CADM4: variants seen among roughly 807,000 people sequenced by gnomAD.
The protein encoded by CADM4 is TSLC1-like 2.
A neutral mutation model predicts 43.9 loss-of-function variants in CADM4; 13 were observed. The ratio of observed to expected loss-of-function variants is 0.30; its 90% confidence interval spans 0.19 to 0.47. The LOEUF (loss-of-function observed/expected upper bound fraction) is 0.47. Ranked by LOEUF, CADM4 falls within the 20% of genes least tolerant of loss-of-function variation. CADM4 has a pLI of 1.00. For missense variants in CADM4, 420 were observed against 527.0 expected (o/e 0.80, Z 1.99); for synonymous variants, 209 against 220.9 (o/e 0.95, Z 0.48).
chr19:43,631,670 C>T (rs1973627739), intron 1 of CADM4, among the ~76,000 whole-genome samples: 1 of 152,212 alleles, frequency 6.6e-6, no homozygotes, highest in African/African-American at 2.4e-5. Flanking sequence ...CTTCCTGAAA[C>T]AGGTGGACAA....
At chr19:43,633,686 T>TTC (rs1973661183) in intron 1 of CADM4, among the ~76,000 whole-genome samples, 1 of 150,776 alleles carries the variant, frequency 6.6e-6, no homozygotes, top group South Asian at 2.1e-4. Flanking sequence ...CTTTCTTTCT[T>TTC]TTTTCTTTTT....
chr19:43,638,982 G>T (rs541884331), intron 1 of CADM4, among the ~76,000 whole-genome samples: 3 of 152,184 alleles, frequency 2.0e-5, no homozygotes, highest in Non-Finnish European at 4.4e-5. Flanking sequence ...GACAGGGATG[G>T]AGATAGTGGG....
intron 1 of CADM4, among the ~76,000 whole-genome samples, chr19:43,630,410 C>T (rs1043814259): frequency 1.3e-5 from 2 of 151,132 alleles, no homozygotes; most frequent in African/African-American, 4.9e-5. Context: ...CTCAGCCTCC[C>T]AAGTAGCTGG....
chr19:43,624,098 G>GCC lies in CADM4; in HGVS notation c.1057+14_1057+15dup, dbSNP rs1294977958. On this transcript the variant is annotated intron_variant, in intron 8 of 8. Transcript: ENST00000222374. ...ACAACCAACCAACCGTAGAGTCCAGGCCCCGTCCCACTCACCCTTCTGCCG... is the reference window on the plus strand; with the variant it reads ...ACAACCAACCAACCGTAGAGTCCAGGCCCCCCGTCCCACTCACCCTTCTGCCG... 2 of 1,613,860 alleles carry GCC rather than the reference G, an allele frequency of 1.2e-6. No individual in the cohort carries two copies. Among genetic ancestry groups the GCC allele is most frequent in the Non-Finnish European group, 1.7e-6 (2 of 1,179,928 alleles).
chr19:43,626,685 C>T lies in CADM4; in HGVS notation c.499+99G>A. ...ACATCAACCACTACATATTGAATGT[C>T]CAGTGTCTGTGAAAACCTGTGGCTC... On this transcript the variant is annotated intron_variant, in intron 4 of 8. Transcript: ENST00000222374. The surrounding 1 kb of genome is among the most constrained non-coding windows in gnomAD (Gnocchi z 5.9). 2 of 1,423,818 alleles carry T rather than the reference C, an allele frequency of 1.4e-6. No individual in the cohort carries two copies. The highest frequency in any genetic ancestry group is 1.9e-6 in the Non-Finnish European group (2 of 1,064,960). 88.2% of individuals were successfully genotyped at this position (1,423,818 alleles called of 1,614,324 possible). A position where few individuals can be genotyped will look rare whatever the true frequency, so the allele number is the denominator to read the frequency against.
At chr19:43,639,904 AGGCCGGGGCGG>A (rs1973754196), upstream of CADM4, 2 of 783,234 alleles carry the variant, frequency 2.6e-6, no homozygotes, top group Non-Finnish European at 3.1e-6. Flanking sequence ...CGGGGCGCCG[AGGCCGGGGCGG>A]GGCCGGGGAG....
At position 43,626,957 on chromosome 19, in the gene CADM4, C is replaced by T; in HGVS notation, c.365-39G>A. ...AAGGGAAGTAAGGGGTTAAAGAAGG[C>T]ACGAACGTGGGCTCAAAGCGATCGA... On this transcript the variant is annotated intron_variant, in intron 3 of 8. Transcript: ENST00000222374. This position sits in a 1 kb window ranked among gnomAD's most constrained non-coding sequence, Gnocchi z 5.9. The T allele has an allele frequency of 6.5e-7, 1 of 1,541,808 alleles. No homozygotes were observed. The highest frequency in any genetic ancestry group is 8.7e-7 in the Non-Finnish European group (1 of 1,142,896).
chr19:43,639,521 G>A (rs1227199755), intron 1 of CADM4, among the ~76,000 whole-genome samples: 3 of 150,826 alleles, frequency 2.0e-5, no homozygotes, highest in Non-Finnish European at 4.4e-5. Context: ...CGGGTGGGGG[G>A]GCTGCGGCAC....
At chr19:43,638,627 G>A (rs2146164961) in intron 1 of CADM4, among the ~76,000 whole-genome samples, 1 of 152,304 alleles carries the variant, frequency 6.6e-6, no homozygotes, top group East Asian at 1.9e-4. Flanking sequence ...CCAACCTCGG[G>A]GGTCTCCAGC....
upstream of CADM4, chr19:43,639,889 GGGGGCGGGGCGCCGAGGCC>G: frequency 1.1e-6 from 1 of 931,970 alleles, no homozygotes; most frequent in African/African-American, 1.8e-5. Context: ...CTGCCCGCCC[GGGGGCGGGGCGCCGAGGCC>G]GGGGCGGGGC....
chr19:43,625,286 C>T lies in CADM4; in HGVS notation c.756-36G>A, dbSNP rs1973505980. The T allele has an allele frequency of 1.9e-6, 3 of 1,582,260 alleles. No homozygotes were observed. Among genetic ancestry groups the T allele is most frequent in the South Asian group, 2.3e-5 (2 of 88,614 alleles). On this transcript the variant is annotated intron_variant, in intron 6 of 8. Coordinates refer to ENST00000222374, the MANE Select transcript of CADM4 (RefSeq NM_145296.2). This position sits in a 1 kb window ranked among gnomAD's most constrained non-coding sequence, Gnocchi z 4.5. ...ATAAAGTATAGTGAGAGTTAGGAACCGAGGTGCCAGCACCCAATTCTGACT... is the reference window on the plus strand; with the variant it reads ...ATAAAGTATAGTGAGAGTTAGGAACTGAGGTGCCAGCACCCAATTCTGACT...
At position 43,625,375 on chromosome 19, in the gene CADM4, A is replaced by C. The variant is rs1973507294; in HGVS notation, c.756-125T>G. On this transcript the variant is annotated intron_variant, in intron 6 of 8. Coordinates refer to ENST00000222374, the MANE Select transcript of CADM4 (RefSeq NM_145296.2). The surrounding 1 kb of genome is among the most constrained non-coding windows in gnomAD (Gnocchi z 4.5). Reference sequence around the variant, plus strand: ...ACCTCCAAATAAGAGGCTTCCTGCTATCTCTTTCCTTTCTGGAAAACCAAC... The same window carrying C: ...ACCTCCAAATAAGAGGCTTCCTGCTCTCTCTTTCCTTTCTGGAAAACCAAC... 1 of 949,654 alleles carries C rather than the reference A, an allele frequency of 1.1e-6. No homozygotes were observed. The highest frequency in any genetic ancestry group is 1.7e-5 in the African/African-American group (1 of 60,100). 58.8% of individuals were successfully genotyped at this position (949,654 alleles called of 1,614,324 possible). A position where few individuals can be genotyped will look rare whatever the true frequency, so the allele number is the denominator to read the frequency against.
chr19:43,625,734 C>T lies in CADM4; in HGVS notation c.755+177G>A, dbSNP rs542856934. Among the ~76,000 whole-genome samples the T allele has an allele frequency of 6.6e-6, 1 of 152,096 alleles. No individual in the cohort carries two copies. Among genetic ancestry groups the T allele is most frequent in the South Asian group, 2.1e-4 (1 of 4,798 alleles). ...GGAGTCCAGGTCCCAGATCCCTATT[C>T]GTCCAGGTCCCCAGCTCTCTCCTCC... is the stretch of plus-strand genomic sequence containing the variant. On this transcript the variant is annotated intron_variant, in intron 6 of 8. Transcript: ENST00000222374. This position sits in a 1 kb window ranked among gnomAD's most constrained non-coding sequence, Gnocchi z 4.5.
In CADM4 at chr19:43,627,481, T is replaced by C. The variant is rs1973548873; in HGVS notation, c.211+163A>G. 6.6e-6 allele frequency among the ~76,000 whole-genome samples: 1 copy of C among 152,142 alleles called. No individual in the cohort carries two copies. The highest frequency in any genetic ancestry group is 2.4e-5 in the African/African-American group (1 of 41,426). On this transcript the variant is annotated intron_variant, in intron 2 of 8. Transcript: ENST00000222374. This position sits in a 1 kb window ranked among gnomAD's most constrained non-coding sequence, Gnocchi z 4.0. Reference sequence around the variant, plus strand: ...TACTCCCTTGAGGACCCAGCATTATTCAAGTCCTCCTGCCTGCAGGACCAG... The same window carrying C: ...TACTCCCTTGAGGACCCAGCATTATCCAAGTCCTCCTGCCTGCAGGACCAG...
chr19:43,639,609 G>C (rs1973746333), intron 1 of CADM4, 118 bp downstream of exon 1: 1 of 588,606 alleles, frequency 1.7e-6, no homozygotes, highest in Non-Finnish European at 2.1e-6. Context: ...CCCGGGGAGG[G>C]GGCCCGGCCC....
chr19:43,626,055 AG>A lies in CADM4; in HGVS notation c.665-55del. ...AGTTTCCAAGCCATCACGCAGGACAAGGGGGACCCTCGCGGGTGCGGGTGGC... is the reference window on the plus strand; with the variant it reads ...AGTTTCCAAGCCATCACGCAGGACAAGGGGACCCTCGCGGGTGCGGGTGGC... On this transcript the variant is annotated intron_variant, in intron 5 of 8. Transcript: ENST00000222374. The surrounding 1 kb of genome is among the most constrained non-coding windows in gnomAD (Gnocchi z 5.9). 2.5e-6 allele frequency: 4 copies of A among 1,613,130 alleles called. No homozygotes were observed. The South Asian group carries it at 4.4e-5, about 18-fold the overall frequency.
chr19:43,623,170 A>G lies in CADM4; in HGVS notation c.*160T>C, dbSNP rs1973465754. 7 of 631,886 alleles carry G rather than the reference A, an allele frequency of 1.1e-5. No homozygotes were observed. Among genetic ancestry groups the G allele is most frequent in the Non-Finnish European group, 2.0e-5 (7 of 352,658 alleles). The allele number at this position is 631,886 out of a possible 1,614,324, so 39.1% of individuals were successfully genotyped here. On this transcript the variant is annotated 3_prime_UTR_variant, in exon 9 of 9. Transcript: ENST00000222374. This position sits in a 1 kb window ranked among gnomAD's most constrained non-coding sequence, Gnocchi z 4.4. ...TTCTGGCCCTTACAGAGATCCAGGC[A>G]TCCAACACCCCCATCCCTGCCCAAG...
At chr19:43,630,281 CTTTTTTTTTTTTTTT>C (rs59489315) in intron 1 of CADM4, among the ~76,000 whole-genome samples, 1 of 73,442 alleles carries the variant, frequency 1.4e-5, no homozygotes, top group East Asian at 3.7e-4. Flanking sequence ...TTTTTCTTTT[CTTTTTTTTTTTTTTT>C]TTTTTTTGAG....
upstream of CADM4, among the ~76,000 whole-genome samples, chr19:43,640,787 C>T (rs1009753946): frequency 6.6e-6 from 1 of 152,120 alleles, no homozygotes; most frequent in Admixed American, 6.6e-5. Flanking sequence ...TCCCTTCTCC[C>T]TCCTGGGAGT....
Sources: gnomAD v4.1 joint callset for allele counts (sites outside exome capture counted in the v4.1 genomes callset) on GRCh38, gnomAD v4.1.1 for gene constraint, Gnocchi (gnomAD v3.1) non-coding constraint, MANE v1.5 for transcripts, NCBI Gene and HGNC (gene_info 2026-07-23, HGNC 2026-07-21) for gene names.